ERMP1: variants seen among roughly 807,000 people sequenced by gnomAD.
ERMP1 encodes the protein endoplasmic reticulum metallopeptidase 1, also known as Felix-ina.
Under a neutral mutation model 92.0 loss-of-function variants are expected in ERMP1, and 86 were observed. The ratio of observed to expected loss-of-function variants is 0.93; its 90% CI spans 0.79 to 1.12. The LOEUF (loss-of-function observed/expected upper bound fraction) is 1.12, where lower values mean the gene tolerates loss of function less well. Ranked by LOEUF, ERMP1 falls within the 50% of genes most tolerant of loss-of-function variation. The pLI, the probability that ERMP1 is intolerant of heterozygous loss-of-function variation, is 0.00. For synonymous variants in ERMP1, 530 were observed against 412.8 expected (o/e 1.28, Z -3.44); for missense variants, 1,342 against 1,116.3 (o/e 1.20, Z -2.88).
chr9:5,838,440 G>C (rs1188743459), intron 6 of ERMP1, among the ~76,000 whole-genome samples: 3 of 151,958 alleles, frequency 2.0e-5, no homozygotes, highest in Admixed American at 2.0e-4. Context: ...GTCTACTAGG[G>C]AGACTGAGGT....
At chr9:5,860,416 C>G in intron 5 of ERMP1, among the ~76,000 whole-genome samples, 1 of 152,122 alleles carries the variant, frequency 6.6e-6, no homozygotes, top group East Asian at 1.9e-4. Flanking sequence ...TTCCATTCAT[C>G]TTTATGTCTC....
intron 13 of ERMP1, among the ~76,000 whole-genome samples, chr9:5,789,013 C>T (rs1027589893): frequency 1.3e-5 from 2 of 151,930 alleles, no homozygotes; most frequent in Non-Finnish European, 2.9e-5. Flanking sequence ...AAAAGGTTAG[C>T]GATAGTGGTA....
intron 5 of ERMP1, among the ~76,000 whole-genome samples, chr9:5,866,235 A>C (rs34283021): frequency 0.013 from 2,046 of 152,308 alleles, 23 homozygotes; most frequent in Non-Finnish European, 0.021. Flanking sequence ...TTGTAGAACT[A>C]TTACTAGTTA....
chr9:5,837,522 A>G (rs1369029584), upstream of ERMP1, among the ~76,000 whole-genome samples: 2 of 152,230 alleles, frequency 1.3e-5, no homozygotes, highest in Non-Finnish European at 2.9e-5. Flanking sequence ...CATATTGGCT[A>G]CACAAAATTA....
At position 5,785,475 on chromosome 9, in the gene ERMP1, C is replaced by A. The variant is rs1402490239; in HGVS notation, c.*1669G>T. 1.3e-5 allele frequency: 2 copies of A among 152,190 alleles called. No homozygotes were observed. Among genetic ancestry groups the A allele is most frequent in the African/African-American group, 4.8e-5 (2 of 41,438 alleles). 9.4% of individuals were successfully genotyped at this position (152,190 alleles called of 1,614,324 possible). A position where few individuals can be genotyped will look rare whatever the true frequency, so the allele number is the denominator to read the frequency against. ...CACTTGAGACTGATTTCTACAAAGT[C>A]CAGGAAGAGCAATGATTCCAGTGTG... On this transcript the variant is annotated 3_prime_UTR_variant, in exon 15 of 15. Coordinates refer to ENST00000339450, the MANE Select transcript of ERMP1 (RefSeq NM_024896.3).
intron 4 of ERMP1, among the ~76,000 whole-genome samples, chr9:5,820,957 C>T (rs907277314): frequency 2.6e-5 from 4 of 152,206 alleles, no homozygotes; most frequent in East Asian, 1.9e-4. Context: ...ACCCAGAAAG[C>T]TTTCAGGTAT....
chr9:5,825,979 G>A (rs914712337), intron 2 of ERMP1, among the ~76,000 whole-genome samples: 2 of 152,186 alleles, frequency 1.3e-5, no homozygotes, highest in Admixed American at 6.5e-5. Context: ...TGATACCAAG[G>A]AATTACTGTT....
At chr9:5,837,657 T>A (rs1830110355), upstream of ERMP1, among the ~76,000 whole-genome samples, 1 of 152,228 alleles carries the variant, frequency 6.6e-6, no homozygotes, top group East Asian at 1.9e-4. Context: ...TTATTCTTTC[T>A]CACTCTTTCT....
chr9:5,828,500 C>A (rs940391423), intron 2 of ERMP1, among the ~76,000 whole-genome samples: 3 of 152,210 alleles, frequency 2.0e-5, no homozygotes, highest in Non-Finnish European at 2.9e-5. Flanking sequence ...TAACACTTTA[C>A]TAACTAACCT....
At chr9:5,863,897 T>C (rs1830574266) in intron 5 of ERMP1, among the ~76,000 whole-genome samples, 1 of 152,240 alleles carries the variant, frequency 6.6e-6, no homozygotes, top group Non-Finnish European at 1.5e-5. Flanking sequence ...ATATCATTTT[T>C]AGTGACTGAA....
At chr9:5,796,952 A>AT (rs1219842526) in intron 13 of ERMP1, among the ~76,000 whole-genome samples, 1 of 152,180 alleles carries the variant, frequency 6.6e-6, no homozygotes, top group African/African-American at 2.4e-5. Flanking sequence ...AATGCAAGAC[A>AT]TTAATAGAGG....
chr9:5,837,241 T>C, upstream of ERMP1, among the ~76,000 whole-genome samples: 1 of 152,104 alleles, frequency 6.6e-6, no homozygotes, highest in East Asian at 1.9e-4. Context: ...TGCCTTAGCC[T>C]CCCAAGTAAC....
intron 6 of ERMP1, among the ~76,000 whole-genome samples, chr9:5,854,051 A>T (rs1411355123): frequency 6.6e-6 from 1 of 152,042 alleles, no homozygotes; most frequent in African/African-American, 2.4e-5. Flanking sequence ...CTTATATATC[A>T]TTTTAACAAA....
rs188974638 is a variant in ERMP1, at chr9:5,801,812, C to A, written c.1915-484G>T. 8.1e-4 allele frequency among the ~76,000 whole-genome samples: 123 copies of A among 152,306 alleles called. 1 individual carries two copies. Among genetic ancestry groups the A allele is most frequent in the Non-Finnish European group, 2.5e-4 (17 of 68,026 alleles). On this transcript the variant is annotated intron_variant, in intron 10 of 14. Coordinates refer to ENST00000339450, the MANE Select transcript of ERMP1 (RefSeq NM_024896.3). ...GTACCTTCAAGACTCTGCCAGTGGA[C>A]CTGCATAAGAGGAAAAACTGCATTA...
At chr9:5,823,659 T>C (rs898745544) in intron 4 of ERMP1, among the ~76,000 whole-genome samples, 1 of 152,126 alleles carries the variant, frequency 6.6e-6, no homozygotes. Flanking sequence ...TTCAATGACT[T>C]AATATATATG....
chr9:5,835,176 A>G (rs1235981179), upstream of ERMP1, among the ~76,000 whole-genome samples: 1 of 152,210 alleles, frequency 6.6e-6, no homozygotes, highest in Non-Finnish European at 1.5e-5. Context: ...TGAGTTCCTG[A>G]AAGGCAGTTT....
At chr9:5,837,271 CT>C (rs1258322895), upstream of ERMP1, among the ~76,000 whole-genome samples, 1 of 152,120 alleles carries the variant, frequency 6.6e-6, no homozygotes, top group African/African-American at 2.4e-5. Flanking sequence ...AGGTGTGCCA[CT>C]GCACCTGGCC....
Position 5,787,293 on chromosome 9 carries a change from G to A in ERMP1, c.2566C>T (p.Pro856Ser), listed in dbSNP as rs1827983594. Residue 856 changes from proline (P) to serine (S), a missense_variant, in exon 15 of 15, where the codon CCT becomes TCT. Physicochemically the swap from Pro to Ser is moderately conservative, Grantham distance 74. Coordinates refer to ENST00000339450, the MANE Select transcript of ERMP1 (RefSeq NM_024896.3). ...WIEVQVSEEH[P>S]EGMVTVAIAA... ...ATGGCCACGGTGACCATTCCTTCAG[G>A]ATGTTCTTCTGAAACCTGCCAGAGA... The A allele has an allele frequency of 1.2e-6, 2 of 1,612,664 alleles. No homozygotes were observed. Among genetic ancestry groups the A allele is most frequent in the Non-Finnish European group, 1.7e-6 (2 of 1,179,586 alleles).
chr9:5,793,399 G>A (rs909219739), intron 13 of ERMP1, among the ~76,000 whole-genome samples: 1 of 151,856 alleles, frequency 6.6e-6, no homozygotes, highest in African/African-American at 2.4e-5. Context: ...AAAAAACAAG[G>A]GCAACAAATA....
Sources: gnomAD v4.1 joint callset for allele counts (sites outside exome capture counted in the v4.1 genomes callset) on GRCh38, gnomAD v4.1.1 for gene constraint, MANE v1.5 for transcripts, NCBI Gene and HGNC (gene_info 2026-07-23, HGNC 2026-07-21) for gene names.